Variants in RAPGEF4 observed in about 807,000 individuals in gnomAD.
RAPGEF4 encodes the protein RAP guanine-nucleotide-exchange factor (GEF) 4.
A neutral mutation model predicts 147.9 loss-of-function variants in RAPGEF4; 66 were observed. The observed-to-expected ratio is 0.45, with a 90% CI of 0.37 to 0.55. The LOEUF (loss-of-function observed/expected upper bound fraction) is 0.55, where lower values mean the gene tolerates loss of function less well. RAPGEF4 is among the 20% of genes least tolerant of loss of function. The pLI is 0.00. For missense variants in RAPGEF4, 1,071 were observed against 1,257.3 expected (o/e 0.85, Z 2.24); for synonymous variants, 419 against 442.7 (o/e 0.95, Z 0.67).
intron 1 of RAPGEF4, among the ~76,000 whole-genome samples, chr2:172,765,164 C>G (rs1395527777): frequency 6.6e-6 from 1 of 152,196 alleles, no homozygotes; most frequent in Non-Finnish European, 1.5e-5. Flanking sequence ...ACATGGTTGT[C>G]TTGCCTCCGT....
At chr2:173,009,529 A>C (rs1234071887) in intron 17 of RAPGEF4, among the ~76,000 whole-genome samples, 1 of 152,222 alleles carries the variant, frequency 6.6e-6, no homozygotes, top group Non-Finnish European at 1.5e-5. Flanking sequence ...AAAATGCTCC[A>C]AAATTCGAAG....
chr2:172,872,202 G>T (rs1695321962), intron 4 of RAPGEF4, among the ~76,000 whole-genome samples: 2 of 152,126 alleles, frequency 1.3e-5, no homozygotes, highest in South Asian at 4.1e-4. Flanking sequence ...AAATGCATTT[G>T]TTAGTTGTTA....
intron 6 of RAPGEF4, among the ~76,000 whole-genome samples, chr2:172,950,733 G>A (rs1034811050): frequency 6.6e-6 from 1 of 152,196 alleles, no homozygotes; most frequent in Non-Finnish European, 1.5e-5. Context: ...AGGTACTTGA[G>A]TATTCCAAAA....
chr2:173,017,250 A>G, intron 20 of RAPGEF4, 46 bp downstream of exon 20: 1 of 1,576,504 alleles, frequency 6.3e-7, no homozygotes. Context: ...CTGTAGAATT[A>G]CAATTCCCCA....
At chr2:172,927,453 T>G (rs1431444844) in intron 6 of RAPGEF4, among the ~76,000 whole-genome samples, 1 of 152,166 alleles carries the variant, frequency 6.6e-6, no homozygotes, top group African/African-American at 2.4e-5. Context: ...AAATAAGAAA[T>G]TATGTATCCT....
At chr2:172,747,636 T>A (rs1427962424) in intron 1 of RAPGEF4, among the ~76,000 whole-genome samples, 1 of 152,170 alleles carries the variant, frequency 6.6e-6, no homozygotes, top group Non-Finnish European at 1.5e-5. Flanking sequence ...TGGAAAATTT[T>A]TTATTTTTAG....
At chr2:172,863,154 G>A (rs1694220713) in intron 4 of RAPGEF4, among the ~76,000 whole-genome samples, 2 of 152,088 alleles carry the variant, frequency 1.3e-5, no homozygotes, top group African/African-American at 4.8e-5. Flanking sequence ...AAAATGATGG[G>A]TTTATGATTA....
intron 6 of RAPGEF4, among the ~76,000 whole-genome samples, chr2:172,940,182 C>T (rs922552988): frequency 1.3e-5 from 2 of 151,936 alleles, no homozygotes; most frequent in Non-Finnish European, 2.9e-5. Context: ...AGAAGACCAC[C>T]GAGTTCTACT....
chr2:172,752,814 T>G (rs35253983), intron 1 of RAPGEF4, among the ~76,000 whole-genome samples: 1 of 152,360 alleles, frequency 6.6e-6, no homozygotes, highest in East Asian at 1.9e-4. Context: ...AATTTTATTG[T>G]GCTCTTTTAT....
chr2:172,951,023 A>G (rs952290259), intron 6 of RAPGEF4, among the ~76,000 whole-genome samples: 14 of 152,268 alleles, frequency 9.2e-5, no homozygotes, highest in Admixed American at 9.2e-4. Flanking sequence ...TCAGACCAAC[A>G]TAACCAAAAT....
chr2:173,028,407 C>T (rs948528378), intron 25 of RAPGEF4, among the ~76,000 whole-genome samples: 5 of 152,218 alleles, frequency 3.3e-5, no homozygotes, highest in Admixed American at 2.0e-4. Flanking sequence ...CACTCTCTCT[C>T]TTCACCTTAG....
intron 4 of RAPGEF4, among the ~76,000 whole-genome samples, chr2:172,822,413 G>T (rs1443408942): frequency 6.6e-6 from 1 of 152,172 alleles, no homozygotes; most frequent in Non-Finnish European, 1.5e-5. Flanking sequence ...CCCCTGGAAG[G>T]TATTTTGCCT....
At chr2:172,939,550 G>A (rs1346108998) in intron 6 of RAPGEF4, among the ~76,000 whole-genome samples, 1 of 152,142 alleles carries the variant, frequency 6.6e-6, no homozygotes, top group African/African-American at 2.4e-5. Flanking sequence ...TATCAGATAT[G>A]AGTTTTGCAG....
chr2:172,987,562 C>CT (rs1243941198), intron 12 of RAPGEF4, among the ~76,000 whole-genome samples: 2 of 152,086 alleles, frequency 1.3e-5, no homozygotes, highest in African/African-American at 4.8e-5. Flanking sequence ...CATGTACAGA[C>CT]TTTTTTCTTG....
At chr2:172,863,019 G>T (rs3769290) in intron 4 of RAPGEF4, among the ~76,000 whole-genome samples, 30,406 of 152,032 alleles carry the variant, frequency 0.2, 3,685 homozygotes, top group Middle Eastern at 0.31. Context: ...ACAGGATGGT[G>T]CCTGTGGGAA....
intron 1 of RAPGEF4, among the ~76,000 whole-genome samples, chr2:172,739,872 T>C (rs997450457): frequency 6.6e-6 from 1 of 152,230 alleles, no homozygotes; most frequent in Middle Eastern, 3.2e-3. Context: ...AGCTATGGCC[T>C]GTGGGCCAGA....
chr2:173,028,335 A>G (rs1696854504), intron 25 of RAPGEF4, among the ~76,000 whole-genome samples: 2 of 152,182 alleles, frequency 1.3e-5, no homozygotes, highest in African/African-American at 2.4e-5. Context: ...ATGCCTTCAC[A>G]TATTTGGAAT....
At chr2:173,036,342 C>G (rs1684006638) in intron 28 of RAPGEF4, 130 bp downstream of exon 28, 1 of 766,872 alleles carries the variant, frequency 1.3e-6, no homozygotes, top group Admixed American at 2.1e-5. Flanking sequence ...TTTGTCATCT[C>G]CTCTCAGTCC....
At chr2:172,985,342 A>G in intron 11 of RAPGEF4, 91 bp from the exon 12 acceptor site, 1 of 1,577,848 alleles carries the variant, frequency 6.3e-7, no homozygotes, top group Non-Finnish European at 8.7e-7. Context: ...GCCCCGGGAC[A>G]GTTTGCATTG....
Sources: allele counts gnomAD v4.1 joint callset (sites outside exome capture counted in the v4.1 genomes callset), GRCh38; gene constraint gnomAD v4.1.1; transcripts MANE v1.5; gene names NCBI Gene and HGNC (gene_info 2026-07-23, HGNC 2026-07-21).